Variants in SORCS3 observed in about 807,000 individuals in gnomAD.
SORCS3 encodes VPS10 domain-containing receptor SorCS3.
A neutral mutation model predicts 146.3 loss-of-function variants in SORCS3; 57 were observed. The observed-to-expected ratio is 0.39, with a 90% CI of 0.31 to 0.49. SORCS3 has a LOEUF of 0.49. Among genes scored for constraint, SORCS3 ranks in the 20% least tolerant of loss-of-function variants. The probability of loss-of-function intolerance (pLI) is 0.92; values close to 1 mark genes in which losing one functional copy is unlikely to be tolerated. For missense variants in SORCS3, 1,341 were observed against 1,575.5 expected (o/e 0.85, Z 2.52); for synonymous variants, 653 against 618.5 (o/e 1.06, Z -0.83).
intron 1 of SORCS3, among the ~76,000 whole-genome samples, chr10:104,758,079 C>T (rs532510359): frequency 3.3e-5 from 5 of 152,256 alleles, no homozygotes; most frequent in Admixed American, 3.3e-4. Flanking sequence ...AGCCTCCACA[C>T]TGAGGAATGA....
intron 5 of SORCS3, among the ~76,000 whole-genome samples, chr10:105,075,890 C>A (rs553003826): frequency 7.9e-5 from 12 of 152,310 alleles, no homozygotes; most frequent in African/African-American, 2.9e-4. Flanking sequence ...AACTACACAG[C>A]TGGTCAGTAT....
At chr10:105,245,430 G>T in intron 20 of SORCS3, 112 bp from the exon 21 acceptor site, 2 of 1,292,972 alleles carry the variant, frequency 1.5e-6, no homozygotes, top group East Asian at 2.3e-5. Context: ...ACGTTTGTTT[G>T]TTTGTTTGTT....
At chr10:105,113,613 C>T (rs898576867) in intron 7 of SORCS3, among the ~76,000 whole-genome samples, 1 of 152,128 alleles carries the variant, frequency 6.6e-6, no homozygotes, top group East Asian at 1.9e-4. Context: ...TTTAGAGAGA[C>T]CTGGAAGTTC....
intron 1 of SORCS3, among the ~76,000 whole-genome samples, chr10:104,708,031 G>A (rs2016359022): frequency 6.6e-6 from 1 of 152,178 alleles, no homozygotes; most frequent in Non-Finnish European, 1.5e-5. Flanking sequence ...ACAATGAAGT[G>A]TTGACAAAGG....
intron 4 of SORCS3, among the ~76,000 whole-genome samples, chr10:105,042,781 C>G (rs1448997456): frequency 6.6e-6 from 1 of 152,130 alleles, no homozygotes; most frequent in Non-Finnish European, 1.5e-5. Context: ...TCTGCCTCTT[C>G]TTGTCTACAT....
intron 3 of SORCS3, among the ~76,000 whole-genome samples, chr10:104,967,109 G>T (rs1385459726): frequency 6.6e-6 from 1 of 152,048 alleles, no homozygotes; most frequent in Non-Finnish European, 1.5e-5. Context: ...TAAGGCAGTG[G>T]CATGTTTAGT....
intron 1 of SORCS3, among the ~76,000 whole-genome samples, chr10:104,757,066 G>GTTTTTTTTTTTTTTT (rs35550035): frequency 3.6e-5 from 3 of 83,984 alleles, no homozygotes; most frequent in African/African-American, 9.2e-5. Context: ...CAAGTTAAGG[G>GTTTTTTTTTTTTTTT]TTTTTTTTTT....
In SORCS3 at chr10:105,223,250, G is replaced by C; in HGVS notation, c.2868+1G>C. The C allele has an allele frequency of 6.2e-7, 1 of 1,606,342 alleles. No homozygotes were observed. The highest frequency in any genetic ancestry group is 8.5e-7 in the Non-Finnish European group (1 of 1,175,348). ...CTGGTGGTTCGGCAATAGCACAAAG[G>C]TTTGGCCCTTTCTGATTGATGTCAA... On this transcript the variant is annotated splice_donor_variant, in intron 20 of 26. Coordinates refer to ENST00000369701, the MANE Select transcript of SORCS3 (RefSeq NM_014978.3). LOFTEE classifies it high-confidence loss of function.
chr10:104,940,745 A>C (rs1261647959), intron 3 of SORCS3, among the ~76,000 whole-genome samples: 1 of 152,174 alleles, frequency 6.6e-6, no homozygotes, highest in African/African-American at 2.4e-5. Flanking sequence ...AGAGGACACA[A>C]ACAAATGGAA....
At chr10:105,012,829 G>A (rs1264724107) in intron 4 of SORCS3, among the ~76,000 whole-genome samples, 1 of 152,188 alleles carries the variant, frequency 6.6e-6, no homozygotes, top group Non-Finnish European at 1.5e-5. Context: ...AAGCATGAAA[G>A]ACGATTAAAA....
At chr10:104,718,440 G>T (rs1024418150) in intron 1 of SORCS3, among the ~76,000 whole-genome samples, 1 of 152,056 alleles carries the variant, frequency 6.6e-6, no homozygotes. Flanking sequence ...ACCTCTTAAA[G>T]GTAACCACCT....
At chr10:104,889,058 G>A (rs1368025445) in intron 2 of SORCS3, among the ~76,000 whole-genome samples, 1 of 151,992 alleles carries the variant, frequency 6.6e-6, no homozygotes, top group African/African-American at 2.4e-5. Context: ...TTTATCTGTG[G>A]TAGTTGTTTT....
chr10:104,967,213 G>T (rs1435184341), intron 3 of SORCS3, among the ~76,000 whole-genome samples: 1 of 152,070 alleles, frequency 6.6e-6, no homozygotes, highest in Non-Finnish European at 1.5e-5. Flanking sequence ...CTACCAATTG[G>T]TGTTTACTCT....
At chr10:105,240,530 T>C (rs2056816142) in intron 20 of SORCS3, among the ~76,000 whole-genome samples, 1 of 152,222 alleles carries the variant, frequency 6.6e-6, no homozygotes, top group African/African-American at 2.4e-5. Flanking sequence ...TCCATCCTTC[T>C]GCATACATCC....
At chr10:104,802,029 T>C (rs892091962) in intron 1 of SORCS3, among the ~76,000 whole-genome samples, 2 of 152,254 alleles carry the variant, frequency 1.3e-5, no homozygotes, top group African/African-American at 4.8e-5. Context: ...TACTTTATTA[T>C]ATTTTAAGAC....
intron 10 of SORCS3, among the ~76,000 whole-genome samples, chr10:105,157,533 CAT>C: frequency 6.6e-6 from 1 of 152,244 alleles, no homozygotes; most frequent in East Asian, 1.9e-4. Context: ...GGCAAATAAA[CAT>C]ATAAGAGAAG....
intron 13 of SORCS3, among the ~76,000 whole-genome samples, chr10:105,170,867 G>A (rs1043022327): frequency 6.6e-6 from 1 of 152,080 alleles, no homozygotes; most frequent in African/African-American, 2.4e-5. Flanking sequence ...TCTCCTGCTT[G>A]TGAGATACAA....
chr10:105,173,783 T>C (rs958718477), intron 13 of SORCS3, among the ~76,000 whole-genome samples: 1 of 152,238 alleles, frequency 6.6e-6, no homozygotes, highest in African/African-American at 2.4e-5. Context: ...ACTGACCATC[T>C]TTCTGTTCTT....
chr10:105,200,817 C>T (rs2056570116), intron 15 of SORCS3, among the ~76,000 whole-genome samples: 1 of 152,158 alleles, frequency 6.6e-6, no homozygotes, highest in Non-Finnish European at 1.5e-5. Flanking sequence ...ACCTGGTGGT[C>T]TGCAAAGATG....
Sources: gnomAD v4.1 joint callset for allele counts (sites outside exome capture counted in the v4.1 genomes callset) on GRCh38, gnomAD v4.1.1 for gene constraint, MANE v1.5 for transcripts, NCBI Gene and HGNC (gene_info 2026-07-23, HGNC 2026-07-21) for gene names.